Variants in GRAMD1B observed in about 807,000 individuals in gnomAD.
GRAMD1B encodes GRAM domain containing 1B.
In GRAMD1B, 37 loss-of-function variants were observed where a neutral mutation model predicts 99.7. The observed-to-expected ratio is 0.37, with a 90% CI of 0.29 to 0.49. The LOEUF is 0.49. Among genes scored for constraint, GRAMD1B ranks in the 20% least tolerant of loss-of-function variants. GRAMD1B has a pLI of 0.98. For synonymous variants in GRAMD1B, 427 were observed against 387.6 expected (o/e 1.10, Z -1.19); for missense variants, 888 against 1,009.2 (o/e 0.88, Z 1.63).
intron 2 of GRAMD1B, among the ~76,000 whole-genome samples, chr11:123,547,091 A>G (rs2135786239): frequency 6.6e-6 from 1 of 152,204 alleles, no homozygotes; most frequent in Non-Finnish European, 1.5e-5. Flanking sequence ...TCCTACTTTT[A>G]TCACCTCCTC....
chr11:123,545,087 G>A (rs926991538), intron 2 of GRAMD1B, among the ~76,000 whole-genome samples: 5 of 152,218 alleles, frequency 3.3e-5, no homozygotes, highest in African/African-American at 1.2e-4. Context: ...TTGTCACCGA[G>A]GCTAAGGGAC....
At chr11:123,542,022 C>T (rs889365750) in intron 2 of GRAMD1B, among the ~76,000 whole-genome samples, 2 of 152,184 alleles carry the variant, frequency 1.3e-5, no homozygotes, top group African/African-American at 2.4e-5. Context: ...GTGTGACTGT[C>T]GACCACTTCC....
intron 2 of GRAMD1B, among the ~76,000 whole-genome samples, chr11:123,507,378 A>G (rs1940539700): frequency 6.6e-6 from 1 of 152,236 alleles, no homozygotes; most frequent in Admixed American, 6.5e-5. Flanking sequence ...TCTAGGGCTT[A>G]TAGAAACCAG....
At chr11:123,486,151 A>T (rs1937731431) in intron 2 of GRAMD1B, among the ~76,000 whole-genome samples, 1 of 152,260 alleles carries the variant, frequency 6.6e-6, no homozygotes, top group African/African-American at 2.4e-5. Context: ...AGAGCCATTA[A>T]GTGGATGCTT....
At position 123,546,797 on chromosome 11, in the gene GRAMD1B, A is replaced by G. The variant is rs547582809; in HGVS notation, c.453-30570A>G. Among the ~76,000 whole-genome samples, 174 of 152,286 alleles carry G rather than the reference A, an allele frequency of 1.1e-3. 1 individual carries two copies. The highest frequency in any genetic ancestry group is 3.9e-3 in the African/African-American group (164 of 41,552). On this transcript the variant is annotated intron_variant, in intron 2 of 19. Transcript: ENST00000635736. ...ATCTTGACTACAAATGTCAGCATAC[A>G]GGGACCCAGCAGTGGGCAGAGCTTT... is the stretch of plus-strand genomic sequence containing the variant.
intron 1 of GRAMD1B, among the ~76,000 whole-genome samples, chr11:123,433,165 T>A (rs1024451073): frequency 1.5e-4 from 23 of 151,170 alleles, no homozygotes; most frequent in Non-Finnish European, 2.8e-4. Context: ...TCACCTGAGG[T>A]CAGGAGTTCG....
At chr11:123,431,272 CCCGTCACCAGAGGCGCTTCTGGAGGGCG>C in intron 1 of GRAMD1B, 106 bp downstream of exon 1, 1 of 596,820 alleles carries the variant, frequency 1.7e-6, no homozygotes, top group South Asian at 2.0e-5. Flanking sequence ...AGAACAGGAG[CCCGTCACCAGAGGCGCTTCTGGAGGGCG>C]CTGCGCCTGG....
At chr11:123,484,171 T>C (rs1422845260) in intron 2 of GRAMD1B, among the ~76,000 whole-genome samples, 3 of 152,204 alleles carry the variant, frequency 2.0e-5, no homozygotes, top group African/African-American at 2.4e-5. Flanking sequence ...TCCAGAAGTA[T>C]ACTGTCCGTT....
chr11:123,579,090 T>A (rs1949051682), intron 3 of GRAMD1B, among the ~76,000 whole-genome samples: 1 of 152,114 alleles, frequency 6.6e-6, no homozygotes. Context: ...GAGGGTGGGG[T>A]GCCCATGCCT....
intron 1 of GRAMD1B, among the ~76,000 whole-genome samples, chr11:123,442,029 C>T (rs190983304): frequency 4.6e-5 from 7 of 152,186 alleles, no homozygotes; most frequent in Admixed American, 2.6e-4. Flanking sequence ...TTTTTTCTTT[C>T]TCACAGTCAA....
chr11:123,515,596 A>G (rs1941595226), intron 2 of GRAMD1B, among the ~76,000 whole-genome samples: 1 of 152,270 alleles, frequency 6.6e-6, no homozygotes, highest in South Asian at 2.1e-4. Flanking sequence ...GAACTTCTGG[A>G]TTTTGTGGAG....
intron 1 of GRAMD1B, among the ~76,000 whole-genome samples, chr11:123,365,126 T>C (rs751718207): frequency 5.9e-5 from 9 of 152,244 alleles, no homozygotes; most frequent in Non-Finnish European, 1.0e-4. Context: ...TTGCAGAAAT[T>C]GAGGCCTAGA....
chr11:123,380,735 C>A (rs1000465110), intron 1 of GRAMD1B, among the ~76,000 whole-genome samples: 1 of 152,168 alleles, frequency 6.6e-6, no homozygotes, highest in Non-Finnish European at 1.5e-5. Flanking sequence ...GCCTGAGATC[C>A]TTTCAGATGG....
intron 4 of GRAMD1B, 23 bp from the exon 5 acceptor site, chr11:123,594,059 T>C (rs373592130): frequency 6.5e-7 from 1 of 1,540,814 alleles, no homozygotes; most frequent in East Asian, 2.2e-5. Flanking sequence ...TACATCCTAC[T>C]AACCTTGGCT....
intron 2 of GRAMD1B, among the ~76,000 whole-genome samples, chr11:123,489,555 G>A (rs111804639): frequency 2.5e-4 from 38 of 152,278 alleles, no homozygotes; most frequent in African/African-American, 8.2e-4. Flanking sequence ...GGTAGAAATA[G>A]GTAAGAAAAG....
intron 2 of GRAMD1B, among the ~76,000 whole-genome samples, chr11:123,534,557 C>T (rs2135590816): frequency 6.6e-6 from 1 of 152,122 alleles, no homozygotes; most frequent in South Asian, 2.1e-4. Flanking sequence ...ATGGAGTCCA[C>T]TGAGATTTCA....
At chr11:123,568,540 T>A (rs1434964061) in intron 2 of GRAMD1B, among the ~76,000 whole-genome samples, 1 of 152,244 alleles carries the variant, frequency 6.6e-6, no homozygotes, top group African/African-American at 2.4e-5. Context: ...TCTGTCAAGA[T>A]GTTGCCCTTG....
chr11:123,360,392 C>T (rs771042121), intron 1 of GRAMD1B, among the ~76,000 whole-genome samples: 1 of 152,190 alleles, frequency 6.6e-6, no homozygotes, highest in Non-Finnish European at 1.5e-5. Flanking sequence ...CCCGAAGGCT[C>T]TTTCCTTTGG....
chr11:123,397,155 G>A (rs941453763), intron 1 of GRAMD1B, among the ~76,000 whole-genome samples: 3 of 152,130 alleles, frequency 2.0e-5, no homozygotes, highest in African/African-American at 7.2e-5. Flanking sequence ...TGTAATCCTA[G>A]CACTTTGGGA....
Sources: allele counts gnomAD v4.1 joint callset (sites outside exome capture counted in the v4.1 genomes callset), GRCh38; gene constraint gnomAD v4.1.1; transcripts MANE v1.5; gene names NCBI Gene and HGNC (gene_info 2026-07-23, HGNC 2026-07-21).